Variants in ZNF562 observed in about 807,000 individuals in gnomAD.
ZNF562 encodes the protein zinc finger protein 562.
In ZNF562, 13 loss-of-function variants were observed where a neutral mutation model predicts 17.5. That is an observed-to-expected ratio of 0.74 (90% CI 0.48 to 1.18). The LOEUF (loss-of-function observed/expected upper bound fraction) is 1.18. Among genes scored for constraint, ZNF562 ranks in the 50% most tolerant of loss-of-function variants. The probability of loss-of-function intolerance (pLI) is 0.00; values close to 1 mark genes in which losing one functional copy is unlikely to be tolerated. For missense variants in ZNF562, 481 were observed against 498.5 expected, an observed-to-expected ratio of 0.96 and a Z score of 0.33; for synonymous variants, 163 against 165.4, an observed-to-expected ratio of 0.99 and a Z score of 0.11.
At chr19:9,656,051 T>C (rs1397196274) in intron 5 of ZNF562, among the ~76,000 whole-genome samples, 1 of 152,064 alleles carries the variant, frequency 6.6e-6, no homozygotes, top group Non-Finnish European at 1.5e-5. Context: ...AAATCAGAGA[T>C]GGTATATTGC....
At chr19:9,669,661 A>G (rs2044072497) in intron 1 of ZNF562, among the ~76,000 whole-genome samples, 1 of 151,138 alleles carries the variant, frequency 6.6e-6, no homozygotes, top group Admixed American at 6.6e-5. Flanking sequence ...CTGTACACAC[A>G]TGCACGCACA....
At chr19:9,669,770 AC>A (rs1199289207) in intron 1 of ZNF562, among the ~76,000 whole-genome samples, 3 of 151,084 alleles carry the variant, frequency 2.0e-5, no homozygotes, top group Non-Finnish European at 3.0e-5. Context: ...ACACACACAC[AC>A]ACACAACCAG....
Position 9,646,603 on chromosome 19 carries a change from G to T in ZNF562, c.*6346C>A, listed in dbSNP as rs2074808280. 1 of 151,792 alleles carries T rather than the reference G, an allele frequency of 6.6e-6. No homozygotes were observed. Among genetic ancestry groups the T allele is most frequent in the Admixed American group, 6.6e-5 (1 of 15,206 alleles). 9.4% of individuals were successfully genotyped at this position (151,792 alleles called of 1,614,324 possible). A position where few individuals can be genotyped will look rare whatever the true frequency, so the allele number is the denominator to read the frequency against. On this transcript the variant is annotated 3_prime_UTR_variant, in exon 6 of 6. Coordinates refer to ENST00000453372, the MANE Select transcript of ZNF562 (RefSeq NM_001130031.2). ...TCTACCAAGATTAACACAAGCAAAG[G>T]GAAAGAATGCACAATTAATAAGTTA... is the stretch of plus-strand genomic sequence containing the variant.
Position 9,652,962 on chromosome 19 carries a change from CTG to C in ZNF562, c.1266_1267del (p.His422GlnfsTer45). ...CATATCTTGCATTTACCTTTCTCCACTGTGAGTTTTCAAATGTTTACTACGAT... is the reference window on the plus strand; with the variant it reads ...CATATCTTGCATTTACCTTTCTCCACTGAGTTTTCAAATGTTTACTACGAT... On this transcript the variant is annotated frameshift_variant, in exon 6 of 6. Transcript: ENST00000453372. LOFTEE classifies it high-confidence loss of function. 1 of 1,498,410 alleles carries C rather than the reference CTG, an allele frequency of 6.7e-7. No homozygotes were observed. Among genetic ancestry groups the C allele is most frequent in the Non-Finnish European group, 8.9e-7 (1 of 1,123,796 alleles). 92.8% of individuals were successfully genotyped at this position (1,498,410 alleles called of 1,614,324 possible). A position where few individuals can be genotyped will look rare whatever the true frequency, so the allele number is the denominator to read the frequency against.
rs2144958382 is a variant in ZNF562, at chr19:9,652,875, C to T, written c.*74G>A. The T allele has an allele frequency of 7.3e-7, 1 of 1,372,886 alleles. No homozygotes were observed. 85.0% of individuals were successfully genotyped at this position (1,372,886 alleles called of 1,614,324 possible). ...AATGCTTTCCCAAATTCTTTACATA[C>T]AAAAGGTTTCTCTCTGGTAGGAGTT... is the stretch of plus-strand genomic sequence containing the variant. On this transcript the variant is annotated 3_prime_UTR_variant, in exon 6 of 6. Transcript: ENST00000453372.
Position 9,647,745 on chromosome 19 carries a change from G to A in ZNF562, c.*5204C>T, listed in dbSNP as rs1264321362. 1 of 152,070 alleles carries A rather than the reference G, an allele frequency of 6.6e-6. No individual in the cohort carries two copies. The highest frequency in any genetic ancestry group is 1.5e-5 in the Non-Finnish European group (1 of 68,038). 9.4% of individuals were successfully genotyped at this position (152,070 alleles called of 1,614,324 possible). On this transcript the variant is annotated 3_prime_UTR_variant, in exon 6 of 6. Transcript: ENST00000453372. ...GGCTGTCTGTAATCTCAGCTACTCG[G>A]GAGGCTGAGGCAGGAGAACCACTGG...
In ZNF562 at chr19:9,646,601, A is replaced by G. The variant is rs1473458405; in HGVS notation, c.*6348T>C. 1.3e-5 allele frequency: 2 copies of G among 152,170 alleles called. No individual in the cohort carries two copies. The highest frequency in any genetic ancestry group is 4.8e-5 in the African/African-American group (2 of 41,452). The allele number at this position is 152,170 out of a possible 1,614,324, so 9.4% of individuals were successfully genotyped here. On this transcript the variant is annotated 3_prime_UTR_variant, in exon 6 of 6. Transcript: ENST00000453372. ...TCTCTACCAAGATTAACACAAGCAA[A>G]GGGAAAGAATGCACAATTAATAAGT... is the stretch of plus-strand genomic sequence containing the variant.
At chr19:9,655,978 C>A (rs973048607) in intron 5 of ZNF562, among the ~76,000 whole-genome samples, 1 of 152,004 alleles carries the variant, frequency 6.6e-6, no homozygotes, top group Non-Finnish European at 1.5e-5. Context: ...AGTGATCCAC[C>A]TATCTTTGCC....
chr19:9,670,686 G>A (rs560672616), intron 1 of ZNF562, among the ~76,000 whole-genome samples: 1 of 152,192 alleles, frequency 6.6e-6, no homozygotes. Flanking sequence ...GAAGGAGACG[G>A]AGATAAAGAG....
At chr19:9,664,986 C>A (rs968910628) in intron 1 of ZNF562, among the ~76,000 whole-genome samples, 13 of 152,194 alleles carry the variant, frequency 8.5e-5, no homozygotes, top group African/African-American at 3.1e-4. Flanking sequence ...CTTTGGGAGG[C>A]CAAGGCAGGT....
At chr19:9,669,770 A>C (rs1177073809) in intron 1 of ZNF562, among the ~76,000 whole-genome samples, 4 of 151,200 alleles carry the variant, frequency 2.6e-5, no homozygotes, top group African/African-American at 7.3e-5. Flanking sequence ...ACACACACAC[A>C]CACACAACCA....
At chr19:9,659,865 G>T (rs1480468522) in intron 2 of ZNF562, among the ~76,000 whole-genome samples, 1 of 138,986 alleles carries the variant, frequency 7.2e-6, no homozygotes, top group Non-Finnish European at 1.5e-5. Flanking sequence ...GCCAAGGTGG[G>T]CAAATCACTC....
chr19:9,662,449 C>G (rs1478697290), intron 1 of ZNF562, among the ~76,000 whole-genome samples: 1 of 151,654 alleles, frequency 6.6e-6, no homozygotes, highest in Non-Finnish European at 1.5e-5. Context: ...TGGCACACGA[C>G]TACTCAGAAG....
At chr19:9,665,887 G>GCACC (rs1312162908) in intron 1 of ZNF562, among the ~76,000 whole-genome samples, 1 of 151,792 alleles carries the variant, frequency 6.6e-6, no homozygotes, top group African/African-American at 2.4e-5. Context: ...GTGATGGCGT[G>GCACC]CACCTCACCT....
At position 9,644,302 on chromosome 19, in the gene ZNF562, G is replaced by A. The variant is rs2074792312; in HGVS notation, c.*8647C>T. 6.6e-6 allele frequency: 1 copy of A among 152,058 alleles called. No homozygotes were observed. The highest frequency in any genetic ancestry group is 1.5e-5 in the Non-Finnish European group (1 of 68,024). 9.4% of individuals were successfully genotyped at this position (152,058 alleles called of 1,614,324 possible). A position where few individuals can be genotyped will look rare whatever the true frequency, so the allele number is the denominator to read the frequency against. ...TTGGACCTTGAAAATGTCATGTAAA[G>A]ATGTCTGGCTGGGCATGGTGGCTCA... On this transcript the variant is annotated 3_prime_UTR_variant, in exon 6 of 6. Coordinates refer to ENST00000453372, the MANE Select transcript of ZNF562 (RefSeq NM_001130031.2).
intron 1 of ZNF562, among the ~76,000 whole-genome samples, chr19:9,669,727 C>T (rs543179706): frequency 5.2e-3 from 477 of 92,374 alleles, no homozygotes; most frequent in Admixed American, 0.012. Flanking sequence ...AGCGCGCGCG[C>T]GCGCGCGCAC....
intron 1 of ZNF562, among the ~76,000 whole-genome samples, chr19:9,671,026 C>T (rs1040184397): frequency 6.7e-6 from 1 of 150,348 alleles, no homozygotes; most frequent in African/African-American, 2.4e-5. Flanking sequence ...GAGGTTGATT[C>T]ATCGGTAAAA....
rs1042634938 is a variant in ZNF562, at chr19:9,647,233, T to C, written c.*5716A>G. 4.0e-5 allele frequency: 6 copies of C among 151,758 alleles called. No individual in the cohort carries two copies. Among genetic ancestry groups the C allele is most frequent in the Non-Finnish European group, 7.3e-5 (5 of 68,028 alleles). The allele number at this position is 151,758 out of a possible 1,614,324, so 9.4% of individuals were successfully genotyped here. ...AGTAGCTGGGATTACAGGGGCACAA[T>C]ACCGTGCCCAGCTAATTTTTGTATT... On this transcript the variant is annotated 3_prime_UTR_variant, in exon 6 of 6. Transcript: ENST00000453372.
intron 1 of ZNF562, among the ~76,000 whole-genome samples, chr19:9,664,699 G>A (rs747640029): frequency 3.9e-5 from 6 of 152,158 alleles, no homozygotes; most frequent in Non-Finnish European, 7.4e-5. Flanking sequence ...CAGCACTTTG[G>A]GAGGCTGATG....
Sources: allele counts gnomAD v4.1 joint callset (sites outside exome capture counted in the v4.1 genomes callset), GRCh38; gene constraint gnomAD v4.1.1; transcripts MANE v1.5; gene names NCBI Gene and HGNC (gene_info 2026-07-23, HGNC 2026-07-21).